The following YES1 variants were observed in gnomAD, a reference collection of about 807,000 sequenced individuals.
YES1 encodes the protein tyrosine-protein kinase Yes.
In YES1, 39 loss-of-function variants were observed where a neutral mutation model predicts 70.4. The observed-to-expected ratio is 0.55, with a 90% CI of 0.43 to 0.72. The LOEUF is 0.72. Ranked by LOEUF, YES1 falls within the 30% of genes least tolerant of loss-of-function variation. The probability of loss-of-function intolerance (pLI) is 0.00; values close to 1 mark genes in which losing one functional copy is unlikely to be tolerated. For synonymous variants in YES1, 198 were observed against 218.6 expected (o/e 0.91, Z 0.83); for missense variants, 495 against 644.8 (o/e 0.77, Z 2.52).
intron 11 of YES1, among the ~76,000 whole-genome samples, chr18:727,996 T>C (rs1240652846): frequency 6.6e-6 from 1 of 152,248 alleles, no homozygotes; most frequent in Middle Eastern, 3.4e-3. Flanking sequence ...TATTTGCATA[T>C]ACATAATGAG....
intron 1 of YES1, among the ~76,000 whole-genome samples, chr18:757,200 C>A (rs1275012248): frequency 2.6e-5 from 4 of 152,210 alleles, no homozygotes; most frequent in African/African-American, 9.6e-5. Flanking sequence ...CCTCTATGCA[C>A]TCCAGTTACT....
chr18:733,283 C>G (rs1374585453), intron 10 of YES1, among the ~76,000 whole-genome samples: 2 of 152,124 alleles, frequency 1.3e-5, no homozygotes, highest in African/African-American at 4.8e-5. Context: ...CTTTTAAGTA[C>G]AGTCTGGCAC....
At chr18:738,833 A>G (rs2080183331) in intron 9 of YES1, 1 of 151,828 alleles carries the variant, frequency 6.6e-6, no homozygotes, top group Admixed American at 6.6e-5. Context: ...GGAAACATCT[A>G]TTTTCTTGAG....
At chr18:745,085 G>A (rs2080263792) in intron 6 of YES1, among the ~76,000 whole-genome samples, 1 of 152,090 alleles carries the variant, frequency 6.6e-6, no homozygotes, top group African/African-American at 2.4e-5. Context: ...TGTCATTGAA[G>A]ACATTACCAT....
chr18:744,070 ATATT>A (rs2080249424), intron 6 of YES1, among the ~76,000 whole-genome samples: 2 of 150,204 alleles, frequency 1.3e-5, no homozygotes, highest in South Asian at 4.2e-4. Flanking sequence ...CTTAAAATAT[ATATT>A]TTTTTAAGTT....
chr18:725,194 CT>C (rs1461633613), intron 11 of YES1, among the ~76,000 whole-genome samples: 1 of 151,922 alleles, frequency 6.6e-6, no homozygotes, highest in Non-Finnish European at 1.5e-5. Context: ...CCTCAACCCC[CT>C]GATCAGCAGT....
chr18:804,023 G>C (rs1433122949), intron 1 of YES1, among the ~76,000 whole-genome samples: 1 of 152,100 alleles, frequency 6.6e-6, no homozygotes, highest in Non-Finnish European at 1.5e-5. Context: ...TGTAATTTTA[G>C]TTTCTTTGTT....
chr18:788,642 G>A (rs1319759277), intron 1 of YES1, among the ~76,000 whole-genome samples: 1 of 152,196 alleles, frequency 6.6e-6, no homozygotes, highest in African/African-American at 2.4e-5. Flanking sequence ...ATTAGGGATA[G>A]GTGCAGTGGC....
chr18:796,746 ACT>A (rs1200446913), intron 1 of YES1, among the ~76,000 whole-genome samples: 7 of 152,056 alleles, frequency 4.6e-5, no homozygotes, highest in Admixed American at 3.9e-4. Context: ...ACAGAGGAAG[ACT>A]CTGTCTCATA....
chr18:780,822 A>G (rs1905621565), intron 1 of YES1, among the ~76,000 whole-genome samples: 1 of 152,158 alleles, frequency 6.6e-6, no homozygotes, highest in Non-Finnish European at 1.5e-5. Flanking sequence ...TCTTTAACTG[A>G]CTTCCATCCT....
chr18:795,325 T>C (rs1356245840), intron 1 of YES1, among the ~76,000 whole-genome samples: 2 of 152,152 alleles, frequency 1.3e-5, no homozygotes, highest in Non-Finnish European at 2.9e-5. Flanking sequence ...TGGGGACACG[T>C]ATACACACAT....
Position 743,117 on chromosome 18 carries a change from T to C in YES1, c.881-20A>G, listed in dbSNP as rs1322687970. 1.9e-6 allele frequency: 3 copies of C among 1,560,972 alleles called. No homozygotes were observed. The highest frequency in any genetic ancestry group is 1.2e-5 in the South Asian group (1 of 81,754). On this transcript the variant is annotated intron_variant, in intron 7 of 11. Transcript: ENST00000314574. ...ATGTTCCTAAAGAAATAACACATTT[T>C]AGGAATTTATATTTTAAAGGATTTT...
chr18:747,621 T>G (rs1283353092), intron 4 of YES1, among the ~76,000 whole-genome samples: 1 of 152,126 alleles, frequency 6.6e-6, no homozygotes, highest in Non-Finnish European at 1.5e-5. Flanking sequence ...GGCAAATTTT[T>G]GAAGTGAGAC....
chr18:782,318 C>A (rs1905712883), intron 1 of YES1, among the ~76,000 whole-genome samples: 1 of 152,174 alleles, frequency 6.6e-6, no homozygotes, highest in East Asian at 1.9e-4. Flanking sequence ...CATAAAATAT[C>A]AATTCCTAAT....
intron 1 of YES1, among the ~76,000 whole-genome samples, chr18:788,723 C>T (rs891346397): frequency 1.3e-5 from 2 of 152,116 alleles, no homozygotes; most frequent in Middle Eastern, 3.2e-3. Flanking sequence ...AGTTTGAGAC[C>T]GGCCTGGCCA....
rs1449852671 is a variant in YES1 at position 739,475 on chromosome 18, T to G, written c.1137+260A>C. ...TAAATTAGCTGGGAATGGTGGCCTGTGCCTGCAGTCCTAGCTACCCAGGAG... is the reference window on the plus strand; with the variant it reads ...TAAATTAGCTGGGAATGGTGGCCTGGGCCTGCAGTCCTAGCTACCCAGGAG... On this transcript the variant is annotated intron_variant, in intron 9 of 11. Transcript: ENST00000314574. The G allele has an allele frequency of 1.6e-5, 5 of 319,472 alleles. No homozygotes were observed. In the Admixed American group the frequency reaches 2.0e-4, roughly 13 times the overall value. 19.8% of individuals were successfully genotyped at this position (319,472 alleles called of 1,614,324 possible). A position where few individuals can be genotyped will look rare whatever the true frequency, so the allele number is the denominator to read the frequency against.
chr18:772,315 C>T (rs1905196699), intron 1 of YES1, among the ~76,000 whole-genome samples: 1 of 152,044 alleles, frequency 6.6e-6, no homozygotes, highest in Admixed American at 6.6e-5. Context: ...AGGCATGAGC[C>T]ACCGCACCCG....
At chr18:812,398 G>C (rs1249433519), upstream of YES1, 1 of 147,474 alleles carries the variant, frequency 6.8e-6, no homozygotes, top group Non-Finnish European at 1.5e-5. Context: ...GCGCGCCGCC[G>C]TCCGCTCACC....
chr18:804,214 TG>T (rs1443689215), intron 1 of YES1, among the ~76,000 whole-genome samples: 1 of 152,240 alleles, frequency 6.6e-6, no homozygotes, highest in East Asian at 1.9e-4. Flanking sequence ...TCTCATATAA[TG>T]TTGCAAAGTT....
Sources: gnomAD v4.1 joint callset for allele counts (sites outside exome capture counted in the v4.1 genomes callset) on GRCh38, gnomAD v4.1.1 for gene constraint, MANE v1.5 for transcripts, NCBI Gene and HGNC (gene_info 2026-07-23, HGNC 2026-07-21) for gene names.